SNX29: variants seen among roughly 807,000 people sequenced by gnomAD.
The protein encoded by SNX29 is sorting nexin 29, also known as sorting nexin-29.
Under a neutral mutation model 102.1 loss-of-function variants are expected in SNX29, and 78 were observed. That is an observed-to-expected ratio of 0.76 (90% CI 0.64 to 0.92). The LOEUF (loss-of-function observed/expected upper bound fraction) is 0.92, where lower values mean the gene tolerates loss of function less well. SNX29 is among the 40% of genes least tolerant of loss of function. SNX29 has a pLI of 0.00. For missense variants in SNX29, 1,280 were observed against 1,061.7 expected (o/e 1.21, Z -2.86); for synonymous variants, 580 against 414.5 (o/e 1.40, Z -4.85).
At chr16:12,501,429 A>G (rs1317737658) in intron 19 of SNX29, among the ~76,000 whole-genome samples, 1 of 151,988 alleles carries the variant, frequency 6.6e-6, no homozygotes, top group African/African-American at 2.4e-5. Context: ...ATTATGTTTA[A>G]GACAGTGGTA....
chr16:12,504,167 T>C (rs2089261946), intron 19 of SNX29, among the ~76,000 whole-genome samples: 2 of 152,198 alleles, frequency 1.3e-5, no homozygotes, highest in Admixed American at 1.3e-4. Context: ...TGTAGTCTTT[T>C]GTGAGTGGCT....
rs548484604 is a variant in SNX29 at position 12,181,756 on chromosome 16, CTG to C, written c.1596-17841_1596-17840del. 2.2e-3 allele frequency among the ~76,000 whole-genome samples: 335 copies of C among 152,164 alleles called. 3 individuals are homozygous for C. The highest frequency in any genetic ancestry group is 7.8e-3 in the African/African-American group (322 of 41,496). On this transcript the variant is annotated intron_variant, in intron 13 of 20. Transcript: ENST00000566228. ...TTTTCATCAGATCTGTCGCTTGCCT[CTG>C]TGTTCTACGCAGATACCATGTAGGC...
At chr16:12,564,525 C>T (rs2078908979) in intron 20 of SNX29, among the ~76,000 whole-genome samples, 1 of 152,180 alleles carries the variant, frequency 6.6e-6, no homozygotes, top group South Asian at 2.1e-4. Context: ...TTTTCTGACT[C>T]TGAATATGGA....
intron 15 of SNX29, among the ~76,000 whole-genome samples, chr16:12,320,086 C>T (rs1000869164): frequency 2.6e-5 from 4 of 152,142 alleles, no homozygotes; most frequent in African/African-American, 9.7e-5. Context: ...GGGGCAGACA[C>T]AGATGGGTCC....
At chr16:12,159,848 C>T (rs1015819627) in intron 13 of SNX29, among the ~76,000 whole-genome samples, 7 of 152,234 alleles carry the variant, frequency 4.6e-5, no homozygotes, top group Non-Finnish European at 8.8e-5. Context: ...TGCTGCTACT[C>T]CCTTATCCCG....
At chr16:12,531,119 C>T (rs914597908) in intron 20 of SNX29, among the ~76,000 whole-genome samples, 1 of 152,234 alleles carries the variant, frequency 6.6e-6, no homozygotes, top group Non-Finnish European at 1.5e-5. Context: ...AAAGCCCACC[C>T]TCTCATACCA....
chr16:12,218,989 T>A (rs1191938984), intron 14 of SNX29, among the ~76,000 whole-genome samples: 2 of 152,264 alleles, frequency 1.3e-5, no homozygotes, highest in South Asian at 4.1e-4. Context: ...TTAGCCAGGT[T>A]GGTCTCGATC....
chr16:12,046,914 C>T (rs1189285416), intron 6 of SNX29, among the ~76,000 whole-genome samples: 2 of 152,136 alleles, frequency 1.3e-5, no homozygotes, highest in Non-Finnish European at 2.9e-5. Context: ...CCACCGTGCC[C>T]GACCACAGTG....
intron 14 of SNX29, among the ~76,000 whole-genome samples, chr16:12,268,962 C>T (rs529517220): frequency 2.0e-5 from 3 of 152,252 alleles, no homozygotes; most frequent in East Asian, 3.9e-4. Flanking sequence ...TGGCCGGCTG[C>T]GATGAGATGA....
At position 12,572,765 on chromosome 16, in the gene SNX29, G is replaced by T. The variant is rs193066148; in HGVS notation, c.*4136G>T. ...GCTGGGTTTTCAGCTTCTGGGACCC[G>T]AGGAAGACCCCACCTCACTCCTCCT... is the stretch of plus-strand genomic sequence containing the variant. On this transcript the variant is annotated 3_prime_UTR_variant, in exon 21 of 21. Transcript: ENST00000566228. 2 of 1,063,792 alleles carry T rather than the reference G, an allele frequency of 1.9e-6. No individual in the cohort carries two copies. The highest frequency in any genetic ancestry group is 1.1e-6 in the Non-Finnish European group (1 of 878,388). The allele number at this position is 1,063,792 out of a possible 1,614,324, so 65.9% of individuals were successfully genotyped here.
At chr16:12,525,689 G>GCCCCCCCCCC (rs1307151667) in intron 20 of SNX29, among the ~76,000 whole-genome samples, 1 of 94,864 alleles carries the variant, frequency 1.1e-5, no homozygotes, top group East Asian at 3.3e-4. Flanking sequence ...AAGACTCCAC[G>GCCCCCCCCCC]CCCCCCCCAC....
chr16:12,073,109 C>T (rs943315690), intron 10 of SNX29, among the ~76,000 whole-genome samples: 1 of 151,866 alleles, frequency 6.6e-6, no homozygotes, highest in Non-Finnish European at 1.5e-5. Context: ...TTGATCCTTT[C>T]AAAAAACCAG....
intron 20 of SNX29, chr16:12,557,437 C>G (rs777473929): frequency 7.2e-5 from 11 of 152,212 alleles, no homozygotes; most frequent in Non-Finnish European, 1.3e-4. Context: ...TGTTGGCTCA[C>G]TGCAACCTCC....
At chr16:12,497,085 G>A (rs1597612853) in intron 19 of SNX29, among the ~76,000 whole-genome samples, 1 of 152,248 alleles carries the variant, frequency 6.6e-6, no homozygotes, top group East Asian at 1.9e-4. Flanking sequence ...CTCAGCAGTC[G>A]GGACCTGCCC....
intron 14 of SNX29, among the ~76,000 whole-genome samples, chr16:12,242,588 C>CTCT (rs1041096584): frequency 6.7e-6 from 1 of 148,478 alleles, no homozygotes; most frequent in Non-Finnish European, 1.5e-5. Flanking sequence ...TTTTCTTCTT[C>CTCT]TCTTCTTCTT....
intron 20 of SNX29, among the ~76,000 whole-genome samples, chr16:12,562,400 A>G (rs891092676): frequency 6.6e-6 from 1 of 152,216 alleles, no homozygotes; most frequent in African/African-American, 2.4e-5. Context: ...GACAGATCAC[A>G]TACCATACAA....
At chr16:11,982,391 A>G (rs12149419) in intron 1 of SNX29, among the ~76,000 whole-genome samples, 12,898 of 148,848 alleles carry the variant, frequency 0.087, 653 homozygotes, top group East Asian at 0.24. Flanking sequence ...GTAAGTCTTC[A>G]TCCTTAAGTT....
chr16:12,502,468 G>C (rs914754934), intron 19 of SNX29, among the ~76,000 whole-genome samples: 3 of 152,150 alleles, frequency 2.0e-5, no homozygotes, highest in African/African-American at 7.2e-5. Flanking sequence ...TAACATTTGA[G>C]ATTTCCTGAC....
At chr16:12,565,709 G>T (rs1024871106) in intron 20 of SNX29, among the ~76,000 whole-genome samples, 1 of 152,048 alleles carries the variant, frequency 6.6e-6, no homozygotes, top group Non-Finnish European at 1.5e-5. Flanking sequence ...AAGCAGCTGG[G>T]CCGGGTCTGC....
Sources: gnomAD v4.1 joint callset for allele counts (sites outside exome capture counted in the v4.1 genomes callset) on GRCh38, gnomAD v4.1.1 for gene constraint, MANE v1.5 for transcripts, NCBI Gene and HGNC (gene_info 2026-07-23, HGNC 2026-07-21) for gene names.